Variants in KCNQ5 observed in about 807,000 individuals in gnomAD.
KCNQ5 encodes the protein potassium voltage-gated channel subfamily KQT member 5.
KCNQ5 carries 30 observed loss-of-function variants against 98.2 expected under a neutral mutation model. The observed-to-expected ratio is 0.31, with a 90% CI of 0.23 to 0.41. The LOEUF (loss-of-function observed/expected upper bound fraction) is 0.41. Ranked by LOEUF, KCNQ5 falls within the 10% of genes least tolerant of loss-of-function variation. The probability of loss-of-function intolerance (pLI) is 1.00; values close to 1 mark genes in which losing one functional copy is unlikely to be tolerated. For missense variants in KCNQ5, 835 were observed against 1,182.5 expected (o/e 0.71, Z 4.31); for synonymous variants, 458 against 449.4 (o/e 1.02, Z -0.24).
chr6:72,886,349 A>G (rs945922878), intron 1 of KCNQ5, among the ~76,000 whole-genome samples: 1 of 152,158 alleles, frequency 6.6e-6, no homozygotes, highest in East Asian at 1.9e-4. Context: ...AAACATTAGC[A>G]TCTTAGACAC....
At chr6:72,787,130 G>GC (rs1483278689) in intron 1 of KCNQ5, among the ~76,000 whole-genome samples, 1 of 151,446 alleles carries the variant, frequency 6.6e-6, no homozygotes, top group South Asian at 2.1e-4. Context: ...GACAAATGCA[G>GC]CCCCCCACCT....
chr6:73,195,168 A>C lies in KCNQ5; in HGVS notation c.2553A>C (p.Ser851=), dbSNP rs767354220. The C allele has an allele frequency of 6.2e-7, 1 of 1,614,222 alleles. No homozygotes were observed. The highest frequency in any genetic ancestry group is 1.7e-5 in the Admixed American group (1 of 60,028). Residue 851 remains serine (S), a synonymous_variant, in exon 14 of 14, where the codon TCA becomes TCC. Transcript: ENST00000370398. ...ATATACAACTTTCAGGGAGTGAGTCAAGTGGCTCCAGAGGCAGCCAAGATT... is the reference window on the plus strand; with the variant it reads ...ATATACAACTTTCAGGGAGTGAGTCCAGTGGCTCCAGAGGCAGCCAAGATT... ...ELNIQLSGSE[S]SGSRGSQDFY...
Position 73,194,778 on chromosome 6 carries a change from C to T in KCNQ5, c.2163C>T (p.Ser721=), listed in dbSNP as rs150628078. 3.0e-5 allele frequency: 49 copies of T among 1,614,074 alleles called. 1 individual carries two copies. The Admixed American group carries it at 5.0e-4, about 16-fold the overall frequency. Residue 721 remains serine, a synonymous_variant, in exon 14 of 14, where the codon AGC becomes AGT. Coordinates refer to ENST00000370398, the MANE Select transcript of KCNQ5 (RefSeq NM_019842.4). ...CAACACAGGTGCCAATTAGTCAAAG[C>T]GATGGCTCAGCAGTGGCAGCCACCA... ...SQATQVPISQ[S]DGSAVAATNT... is the part of the protein sequence containing the mutation.
In KCNQ5 at chr6:72,996,208, AT is replaced by A. The variant is rs10714051; in HGVS notation, c.399-7699del. Among the ~76,000 whole-genome samples the A allele has an allele frequency of 7.3e-3, 1,114 of 152,354 alleles. 17 individuals carry two copies. The highest frequency in any genetic ancestry group is 0.026 in the African/African-American group (1,067 of 41,578). ...TTGGGAATGAAGTTAATCCATAAAA[AT>A]GTATACCAGAAGGATCTGGGACACT... On this transcript the variant is annotated intron_variant, in intron 1 of 13. Transcript: ENST00000370398.
chr6:72,692,916 C>T (rs1315759867), intron 1 of KCNQ5, among the ~76,000 whole-genome samples: 1 of 152,048 alleles, frequency 6.6e-6, no homozygotes, highest in African/African-American at 2.4e-5. Context: ...GGACTTTGTC[C>T]TCCAGGCAAA....
intron 10 of KCNQ5, chr6:73,133,852 A>G (rs1019395671): frequency 1.4e-6 from 1 of 696,132 alleles, no homozygotes; most frequent in Non-Finnish European, 2.7e-6. Context: ...TGGCAGCTAA[A>G]TTTACATTCC....
intron 1 of KCNQ5, among the ~76,000 whole-genome samples, chr6:72,804,489 G>A (rs1028418033): frequency 7.9e-5 from 12 of 151,956 alleles, no homozygotes; most frequent in African/African-American, 2.9e-4. Flanking sequence ...CTATGTTGTT[G>A]CAAATGACAG....
At chr6:73,051,083 A>G (rs367738666) in intron 3 of KCNQ5, among the ~76,000 whole-genome samples, 1 of 152,218 alleles carries the variant, frequency 6.6e-6, no homozygotes, top group African/African-American at 2.4e-5. Flanking sequence ...TTATTTCTCT[A>G]GGGTCATATA....
intron 5 of KCNQ5, among the ~76,000 whole-genome samples, chr6:73,086,975 A>G (rs1562169890): frequency 6.6e-6 from 1 of 152,242 alleles, no homozygotes; most frequent in Non-Finnish European, 1.5e-5. Context: ...TTGAAGAGCC[A>G]AAAGGCCACT....
At chr6:73,192,451 C>G in intron 12 of KCNQ5, 114 bp from the exon 13 acceptor site, 1 of 889,558 alleles carries the variant, frequency 1.1e-6, no homozygotes, top group Non-Finnish European at 1.6e-6. Context: ...CTTATTTCAT[C>G]TTACATAAAT....
At chr6:72,853,025 A>G (rs571605537) in intron 1 of KCNQ5, among the ~76,000 whole-genome samples, 32 of 152,242 alleles carry the variant, frequency 2.1e-4, no homozygotes, top group African/African-American at 7.5e-4. Context: ...GTGCATTAGC[A>G]TTTATTTTTC....
chr6:73,169,312 G>T (rs1358225647), intron 10 of KCNQ5, among the ~76,000 whole-genome samples: 2 of 152,298 alleles, frequency 1.3e-5, no homozygotes, highest in East Asian at 3.9e-4. Flanking sequence ...ACTTGTTCAG[G>T]ACATAAGGCT....
At chr6:72,696,020 G>A (rs761597208) in intron 1 of KCNQ5, among the ~76,000 whole-genome samples, 2 of 152,156 alleles carry the variant, frequency 1.3e-5, no homozygotes, top group Admixed American at 6.5e-5. Context: ...AGAGAATGTG[G>A]CTATTAAATT....
intron 5 of KCNQ5, among the ~76,000 whole-genome samples, chr6:73,081,577 C>T (rs1224504265): frequency 6.6e-6 from 1 of 152,042 alleles, no homozygotes; most frequent in African/African-American, 2.4e-5. Flanking sequence ...AGAATTATAC[C>T]GTGCCACGGA....
chr6:72,698,648 CT>C (rs753567095), intron 1 of KCNQ5, among the ~76,000 whole-genome samples: 46 of 94,010 alleles, frequency 4.9e-4, no homozygotes, highest in East Asian at 2.1e-3. Flanking sequence ...TCTTCTTCTT[CT>C]TTTTTTTTTT....
chr6:72,688,511 G>A (rs563624821), intron 1 of KCNQ5, among the ~76,000 whole-genome samples: 91 of 152,014 alleles, frequency 6.0e-4, no homozygotes, highest in Non-Finnish European at 1.1e-3. Flanking sequence ...TGGAGTTCCC[G>A]CTTGTAAATA....
chr6:73,037,474 C>G (rs1473285069), intron 2 of KCNQ5, among the ~76,000 whole-genome samples: 1 of 151,956 alleles, frequency 6.6e-6, no homozygotes, highest in Non-Finnish European at 1.5e-5. Flanking sequence ...CATTTTTTTC[C>G]TAAAAGTTTT....
At chr6:72,853,855 G>A (rs1777404960) in intron 1 of KCNQ5, among the ~76,000 whole-genome samples, 1 of 152,052 alleles carries the variant, frequency 6.6e-6, no homozygotes, top group South Asian at 2.1e-4. Context: ...TTTTTATTTT[G>A]TAGCAAATTA....
chr6:73,024,381 T>TGATAGATAGATAGATAGATA lies in KCNQ5; in HGVS notation c.490-17537_490-17518dup, dbSNP rs1554198956. Among the ~76,000 whole-genome samples, 161 of 120,654 alleles carry TGATAGATAGATAGATAGATA rather than the reference T, an allele frequency of 1.3e-3. 1 individual carries two copies. The highest frequency in any genetic ancestry group is 3.1e-3 in the African/African-American group (99 of 31,902). 79.2% of individuals were successfully genotyped at this position (120,654 alleles called of 152,430 possible). On this transcript the variant is annotated intron_variant, in intron 2 of 13. Coordinates refer to ENST00000370398, the MANE Select transcript of KCNQ5 (RefSeq NM_019842.4). ...TGAAAGCGATAGATAGATAGATAGA[T>TGATAGATAGATAGATAGATA]GATAGATAGATAGATAGATAGATAG...
Sources: gnomAD v4.1 joint callset for allele counts (sites outside exome capture counted in the v4.1 genomes callset) on GRCh38, gnomAD v4.1.1 for gene constraint, MANE v1.5 for transcripts, NCBI Gene and HGNC (gene_info 2026-07-23, HGNC 2026-07-21) for gene names.